Variants in HMOX2 observed in about 807,000 individuals in gnomAD.
HMOX2 encodes heme oxygenase (decycling) 2.
HMOX2 carries 30 observed loss-of-function variants against 33.7 expected under a neutral mutation model. That is an observed-to-expected ratio of 0.89 (90% CI 0.67 to 1.21). The LOEUF (loss-of-function observed/expected upper bound fraction) is 1.21. Ranked by LOEUF, HMOX2 falls within the 50% of genes most tolerant of loss-of-function variation. The probability of loss-of-function intolerance (pLI) is 0.00; values close to 1 mark genes in which losing one functional copy is unlikely to be tolerated. For missense variants in HMOX2, 403 were observed against 399.1 expected, an observed-to-expected ratio of 1.01 and a Z score of -0.08; for synonymous variants, 155 against 155.0, an observed-to-expected ratio of 1.00 and a Z score of 0.00.
intron 1 of HMOX2, among the ~76,000 whole-genome samples, chr16:4,487,349 T>TA (rs1165770383): frequency 6.7e-6 from 1 of 150,062 alleles, no homozygotes; most frequent in Non-Finnish European, 1.5e-5. Flanking sequence ...AGATCAGGAG[T>TA]TTGAGACCAG....
chr16:4,505,888 G>A (rs185315341), intron 2 of HMOX2, among the ~76,000 whole-genome samples: 16 of 152,250 alleles, frequency 1.1e-4, no homozygotes, highest in African/African-American at 3.1e-4. Context: ...TTAAAAACTT[G>A]TGCGTTTCCT....
intron 1 of HMOX2, among the ~76,000 whole-genome samples, chr16:4,485,359 G>A (rs924221003): frequency 6.6e-6 from 1 of 152,160 alleles, no homozygotes; most frequent in African/African-American, 2.4e-5. Flanking sequence ...GAGCTTCTAA[G>A]GTATGCAGAG....
chr16:4,487,951 CAAA>C (rs71139635), intron 1 of HMOX2, among the ~76,000 whole-genome samples: 11,895 of 70,460 alleles, frequency 0.17, 1,188 homozygotes, highest in African/African-American at 0.36. Context: ...AACTCTGTCT[CAAA>C]AAAAAAAAAA....
At chr16:4,477,407 G>A (rs1170208505) in intron 1 of HMOX2, among the ~76,000 whole-genome samples, 3 of 150,848 alleles carry the variant, frequency 2.0e-5, no homozygotes, top group African/African-American at 7.3e-5. Flanking sequence ...GCTGAGGCAG[G>A]AGAATCGCTT....
intron 1 of HMOX2, among the ~76,000 whole-genome samples, chr16:4,481,351 A>G (rs2058026473): frequency 6.7e-6 from 1 of 149,088 alleles, no homozygotes; most frequent in Non-Finnish European, 1.5e-5. Context: ...TCCGTCTCAA[A>G]AAAAAAAAAA....
In HMOX2 at chr16:4,507,757, G is replaced by T; in HGVS notation, c.249G>T (p.Glu83Asp). The change falls in exon 4 of 6, where the codon GAG becomes GAT. Residue 83 changes from glutamate to aspartate, a missense_variant. Physicochemically the swap from Glu to Asp is conservative, Grantham distance 45 (BLOSUM62 2). Coordinates refer to ENST00000570646, the MANE Select transcript of HMOX2 (RefSeq NM_002134.4). ...ALYFTYSALE[E>D]EMERNKDHPA... ...ACTTCACATACTCAGCCCTCGAGGA[G>T]GAAATGGAGCGCAACAAGGACCATC... The T allele has an allele frequency of 6.2e-7, 1 of 1,614,178 alleles. No homozygotes were observed. Among genetic ancestry groups the T allele is most frequent in the South Asian group, 1.1e-5 (1 of 91,082 alleles).
intron 2 of HMOX2, among the ~76,000 whole-genome samples, chr16:4,506,565 TCTCTTCGA>T (rs1205828021): frequency 6.6e-6 from 1 of 152,152 alleles, no homozygotes; most frequent in Non-Finnish European, 1.5e-5. Context: ...CAGATGTGTG[TCTCTTCGA>T]CCACTAGGTG....
upstream of HMOX2, chr16:4,476,096 G>T (rs2057819508): frequency 6.6e-6 from 1 of 152,254 alleles, no homozygotes; most frequent in Non-Finnish European, 1.5e-5. Flanking sequence ...TGCCACGGTT[G>T]ACAACCCTAT....
At chr16:4,487,126 G>A (rs1197847643) in intron 1 of HMOX2, among the ~76,000 whole-genome samples, 1 of 152,176 alleles carries the variant, frequency 6.6e-6, no homozygotes, top group Non-Finnish European at 1.5e-5. Context: ...AGACATGGTA[G>A]TGAATGCCTG....
intron 1 of HMOX2, among the ~76,000 whole-genome samples, chr16:4,484,684 C>G (rs1427018486): frequency 3.3e-5 from 5 of 151,832 alleles, no homozygotes; most frequent in African/African-American, 1.2e-4. Context: ...TGGTCTCGAA[C>G]TCCTGACTTC....
chr16:4,501,931 G>A (rs1372354428), intron 1 of HMOX2, among the ~76,000 whole-genome samples: 1 of 152,168 alleles, frequency 6.6e-6, no homozygotes, highest in East Asian at 1.9e-4. Context: ...CCCCAGGTCT[G>A]TACAGATGGT....
chr16:4,476,417 G>T lies in HMOX2; in HGVS notation c.-112G>T, dbSNP rs2057836531. The T allele has an allele frequency of 6.6e-6, 1 of 152,260 alleles. No homozygotes were observed. The highest frequency in any genetic ancestry group is 2.4e-5 in the African/African-American group (1 of 41,470). The allele number at this position is 152,260 out of a possible 1,614,324, so 9.4% of individuals were successfully genotyped here. A position where few individuals can be genotyped will look rare whatever the true frequency, so the allele number is the denominator to read the frequency against. ...CAGTCCGCTGGGCTGCAGGGACTGC[G>T]GCGCCTGAGGGAGTCGCTGACGGGC... On this transcript the variant is annotated 5_prime_UTR_variant, in exon 1 of 6. Transcript: ENST00000570646.
chr16:4,483,247 G>A (rs2058078620), intron 1 of HMOX2, among the ~76,000 whole-genome samples: 1 of 145,986 alleles, frequency 6.8e-6, no homozygotes, highest in Admixed American at 7.0e-5. Flanking sequence ...CATTACAAAG[G>A]CATAATTGAA....
chr16:4,499,822 A>G (rs2058514268), intron 1 of HMOX2, among the ~76,000 whole-genome samples: 1 of 152,252 alleles, frequency 6.6e-6, no homozygotes, highest in African/African-American at 2.4e-5. Context: ...GAGTCAAGTC[A>G]GATCTGAAGA....
intron 1 of HMOX2, among the ~76,000 whole-genome samples, chr16:4,493,289 C>T (rs1203669715): frequency 6.6e-6 from 1 of 152,202 alleles, no homozygotes; most frequent in Non-Finnish European, 1.5e-5. Context: ...CTCCTAGGCT[C>T]AAGCAATCCT....
intron 1 of HMOX2, among the ~76,000 whole-genome samples, chr16:4,505,081 C>A (rs753325137): frequency 1.1e-4 from 16 of 152,204 alleles, no homozygotes; most frequent in Non-Finnish European, 1.9e-4. Flanking sequence ...GCTTTTCTGA[C>A]TTGCCAGTGT....
At chr16:4,491,931 C>T (rs757684978) in intron 1 of HMOX2, among the ~76,000 whole-genome samples, 12 of 152,036 alleles carry the variant, frequency 7.9e-5, no homozygotes, top group Non-Finnish European at 7.4e-5. Flanking sequence ...ATTCACCTGC[C>T]TTGGCCTCCC....
Position 4,478,706 on chromosome 16 carries a change from G to C in HMOX2, c.-42+2219G>C, listed in dbSNP as rs764965363. ...CTTGAACCTGGGAGGCAGAGGTTGC[G>C]ATGAGCCAAGATTGTGCCACTGCAT... On this transcript the variant is annotated intron_variant, in intron 1 of 5. Transcript: ENST00000570646. 1.1e-3 allele frequency among the ~76,000 whole-genome samples: 161 copies of C among 149,722 alleles called. 3 individuals are homozygous for C. Among genetic ancestry groups the C allele is most frequent in the Admixed American group, 8.7e-4 (13 of 14,982 alleles).
chr16:4,510,271 T>G lies in HMOX2; in HGVS notation c.*515T>G, dbSNP rs2058804927. ...ATCCCTCTAACCCCTTGGGTGCGGT[T>G]TGCTCAGCCCCAGCTTATCTCCTCC... On this transcript the variant is annotated 3_prime_UTR_variant, in exon 6 of 6. Coordinates refer to ENST00000570646, the MANE Select transcript of HMOX2 (RefSeq NM_002134.4). 1 of 163,364 alleles carries G rather than the reference T, an allele frequency of 6.1e-6. No homozygotes were observed. Among genetic ancestry groups the G allele is most frequent in the African/African-American group, 2.4e-5 (1 of 41,766 alleles). The allele number at this position is 163,364 out of a possible 1,614,324, so 10.1% of individuals were successfully genotyped here. A position where few individuals can be genotyped will look rare whatever the true frequency, so the allele number is the denominator to read the frequency against.
Sources: allele counts gnomAD v4.1 joint callset (sites outside exome capture counted in the v4.1 genomes callset), GRCh38; gene constraint gnomAD v4.1.1; transcripts MANE v1.5; gene names NCBI Gene and HGNC (gene_info 2026-07-23, HGNC 2026-07-21).